PRELID2: variants seen among roughly 807,000 people sequenced by gnomAD.
PRELID2 encodes PRELI domain containing 2, also known as PRELI domain-containing protein 2.
PRELID2 carries 25 observed loss-of-function variants against 28.4 expected under a neutral mutation model. That is an observed-to-expected ratio of 0.88 (90% CI 0.64 to 1.23). The LOEUF is 1.23. PRELID2 is among the 50% of genes most tolerant of loss of function. The pLI is 0.00. For synonymous variants in PRELID2, 76 were observed against 71.6 expected, an observed-to-expected ratio of 1.06 and a Z score of -0.31; for missense variants, 201 against 214.4, an observed-to-expected ratio of 0.94 and a Z score of 0.39.
chr5:145,335,388 T>G, the PRELID2 span, among the ~76,000 whole-genome samples: 1 of 152,116 alleles, frequency 6.6e-6, no homozygotes, highest in East Asian at 1.9e-4. Context: ...TTGAGTTGTC[T>G]ATTTGTGTTC....
chr5:145,513,811 A>C (rs1029304472), intron 1 of PRELID2, among the ~76,000 whole-genome samples: 8 of 152,212 alleles, frequency 5.3e-5, no homozygotes, highest in Non-Finnish European at 1.2e-4. Context: ...CCAAAACCCT[A>C]CAAGCCAGGA....
the PRELID2 span, among the ~76,000 whole-genome samples, chr5:145,452,542 T>C: frequency 6.6e-6 from 1 of 152,208 alleles, no homozygotes; most frequent in Non-Finnish European, 1.5e-5. Context: ...TTTTATTCTC[T>C]AATATGCACT....
chr5:145,614,386 C>T (rs1330263883), intron 1 of PRELID2, among the ~76,000 whole-genome samples: 9 of 152,144 alleles, frequency 5.9e-5, no homozygotes, highest in Non-Finnish European at 1.3e-4. Context: ...GGGGATTGCA[C>T]TGAATTTGCA....
At chr5:145,571,827 A>G (rs1223144890) in intron 1 of PRELID2, among the ~76,000 whole-genome samples, 2 of 152,026 alleles carry the variant, frequency 1.3e-5, no homozygotes, top group Non-Finnish European at 2.9e-5. Flanking sequence ...TAAAAATACA[A>G]CAAATTAGCC....
intron 1 of PRELID2, among the ~76,000 whole-genome samples, chr5:145,531,611 G>A (rs919833522): frequency 5.3e-5 from 8 of 152,262 alleles, no homozygotes; most frequent in African/African-American, 1.7e-4. Flanking sequence ...CCCATTGCTC[G>A]TTAAAATGTG....
intron 5 of PRELID2, among the ~76,000 whole-genome samples, chr5:145,777,776 C>T (rs1257064530): frequency 6.6e-6 from 1 of 151,898 alleles, no homozygotes; most frequent in African/African-American, 2.4e-5. Flanking sequence ...TGCAACCGCC[C>T]AAAGCACACT....
the PRELID2 span, among the ~76,000 whole-genome samples, chr5:145,256,651 C>G: frequency 2.0e-5 from 3 of 151,840 alleles, no homozygotes; most frequent in African/African-American, 7.3e-5. Context: ...AAATCCCAGA[C>G]AGGAAAAACA....
the PRELID2 span, among the ~76,000 whole-genome samples, chr5:145,413,777 A>C: frequency 6.6e-6 from 1 of 152,098 alleles, no homozygotes; most frequent in African/African-American, 2.4e-5. Flanking sequence ...GGTTCCATAC[A>C]TAAATGAGAT....
intron 1 of PRELID2, among the ~76,000 whole-genome samples, chr5:145,606,543 T>C (rs1161442925): frequency 6.6e-6 from 1 of 152,124 alleles, no homozygotes; most frequent in Non-Finnish European, 1.5e-5. Flanking sequence ...TTGATTTTAG[T>C]TCTGTTTATG....
chr5:145,607,662 TTG>T (rs892549687), intron 1 of PRELID2, among the ~76,000 whole-genome samples: 9 of 152,202 alleles, frequency 5.9e-5, no homozygotes, highest in African/African-American at 2.2e-4. Flanking sequence ...TTATGGCTGA[TTG>T]TGTGATCATT....
intron 1 of PRELID2, among the ~76,000 whole-genome samples, chr5:145,644,755 C>A (rs560939932): frequency 6.6e-6 from 1 of 152,138 alleles, no homozygotes; most frequent in South Asian, 2.1e-4. Context: ...TTTATTTCTG[C>A]CTTCATTTCA....
intron 1 of PRELID2, among the ~76,000 whole-genome samples, chr5:145,581,406 A>G (rs914721325): frequency 3.9e-5 from 6 of 152,072 alleles, no homozygotes; most frequent in Non-Finnish European, 8.8e-5. Context: ...ATGCAAGGAT[A>G]TATGTGGGAG....
At chr5:145,705,378 A>G (rs369139954) in intron 1 of PRELID2, among the ~76,000 whole-genome samples, 2 of 149,112 alleles carry the variant, frequency 1.3e-5, no homozygotes, top group African/African-American at 2.5e-5. Flanking sequence ...TTTTTTTTGT[A>G]TTTTTAGTAG....
chr5:145,381,411 T>C, the PRELID2 span, among the ~76,000 whole-genome samples: 60 of 152,304 alleles, frequency 3.9e-4, 1 homozygote, highest in African/African-American at 1.3e-3. Flanking sequence ...AATGCAGTTT[T>C]TTGTTATTAC....
the PRELID2 span, among the ~76,000 whole-genome samples, chr5:145,418,940 T>C: frequency 0.024 from 3,513 of 147,892 alleles, 64 homozygotes; most frequent in Middle Eastern, 0.045. Flanking sequence ...CCATGTAATC[T>C]CATTGTTCAA....
the PRELID2 span, among the ~76,000 whole-genome samples, chr5:145,316,249 T>C: frequency 6.6e-6 from 1 of 152,240 alleles, no homozygotes; most frequent in Non-Finnish European, 1.5e-5. Context: ...AACTTTAAAA[T>C]GTTTTGTAAC....
intron 1 of PRELID2, among the ~76,000 whole-genome samples, chr5:145,482,257 T>C (rs751015359): frequency 1.3e-5 from 2 of 152,138 alleles, no homozygotes; most frequent in Non-Finnish European, 2.9e-5. Context: ...TCTTATCACA[T>C]AGTCACACCT....
chr5:145,645,338 C>CTTTTTTTTTTTTT (rs35732947), intron 1 of PRELID2, among the ~76,000 whole-genome samples: 2 of 47,852 alleles, frequency 4.2e-5, no homozygotes, highest in African/African-American at 2.4e-4. Flanking sequence ...GCAACTCCTG[C>CTTTTTTTTTTTTT]TTTTTTTTTT....
At chr5:145,410,690 C>G in the PRELID2 span, among the ~76,000 whole-genome samples, 2,249 of 152,188 alleles carry the variant, frequency 0.015, 57 homozygotes, top group African/African-American at 0.051. Context: ...TTATCTCTAC[C>G]TGGTCCTGCC....
Sources: gnomAD v4.1 joint callset for allele counts (sites outside exome capture counted in the v4.1 genomes callset) on GRCh38, gnomAD v4.1.1 for gene constraint, MANE v1.5 for transcripts, NCBI Gene and HGNC (gene_info 2026-07-23, HGNC 2026-07-21) for gene names.